The following TENM3 variants were observed in gnomAD, a reference collection of about 807,000 sequenced individuals.
TENM3 encodes teneurin transmembrane protein 3, also known as teneurin-3.
In TENM3, 63 loss-of-function variants were observed where a neutral mutation model predicts 255.1. The ratio of observed to expected loss-of-function variants is 0.25; its 90% CI spans 0.20 to 0.30. TENM3 has a LOEUF of 0.30. TENM3 is among the 10% of genes least tolerant of loss of function. The pLI, the probability that TENM3 is intolerant of heterozygous loss-of-function variation, is 1.00. For synonymous variants in TENM3, 1,306 were observed against 1,322.3 expected (o/e 0.99, Z 0.27); for missense variants, 2,929 against 3,461.1 (o/e 0.85, Z 3.86).
chr4:182,767,361 A>T (rs748139803), intron 22 of TENM3, among the ~76,000 whole-genome samples: 1 of 152,200 alleles, frequency 6.6e-6, no homozygotes, highest in Non-Finnish European at 1.5e-5. Context: ...ATGTTTAGTC[A>T]TGACGGGGTT....
intron 3 of TENM3, among the ~76,000 whole-genome samples, chr4:182,542,438 G>A (rs1201586803): frequency 6.6e-6 from 1 of 152,090 alleles, no homozygotes; most frequent in Non-Finnish European, 1.5e-5. Context: ...CCATTTGAGG[G>A]CTACCTCTTG....
chr4:182,286,994 A>G (rs1760775092), intron 1 of TENM3, among the ~76,000 whole-genome samples: 2 of 152,198 alleles, frequency 1.3e-5, no homozygotes, highest in Admixed American at 1.3e-4. Context: ...TTGGGAGGCC[A>G]AGGGAGGAGG....
the TENM3 span, among the ~76,000 whole-genome samples, chr4:181,588,796 A>G: frequency 1.3e-5 from 2 of 152,188 alleles, no homozygotes; most frequent in Admixed American, 6.5e-5. Context: ...TTAATTTCCA[A>G]ATGTCTGTAG....
At chr4:182,766,263 A>C (rs1222752161) in intron 22 of TENM3, among the ~76,000 whole-genome samples, 5 of 152,206 alleles carry the variant, frequency 3.3e-5, no homozygotes, top group African/African-American at 1.2e-4. Context: ...CTTTGGAGCA[A>C]AAATTTTCCT....
chr4:181,544,417 A>AAAAAAC, the TENM3 span, among the ~76,000 whole-genome samples: 1 of 140,414 alleles, frequency 7.1e-6, no homozygotes, highest in Non-Finnish European at 1.5e-5. Context: ...TTAAAAAAAA[A>AAAAAAC]AAAAAAAAAA....
chr4:182,656,562 T>C lies in TENM3; in HGVS notation c.1111+2669T>C, dbSNP rs78044674. ...CCCACCACCCACTACTTAAATTTTATATGCTATCCAAGAAGCAGATCACAT... is the reference window on the plus strand; with the variant it reads ...CCCACCACCCACTACTTAAATTTTACATGCTATCCAAGAAGCAGATCACAT... On this transcript the variant is annotated intron_variant, in intron 6 of 27. Coordinates refer to ENST00000511685, the MANE Select transcript of TENM3 (RefSeq NM_001080477.4). Among the ~76,000 whole-genome samples the C allele has an allele frequency of 8.6e-3, 1,315 of 152,282 alleles. 7 individuals are homozygous for C. The highest frequency in any genetic ancestry group is 0.013 in the Non-Finnish European group (889 of 68,012).
chr4:182,463,149 G>A lies in TENM3; in HGVS notation c.511+116220G>A, dbSNP rs76495883. The stretch of plus-strand genomic sequence containing the variant: ...AGCCTGTGTTGTTCAAGGGTCAACC[G>A]TAGTTGAAACAAATAGAAAAATGAA... On this transcript the variant is annotated intron_variant, in intron 3 of 27. Coordinates refer to ENST00000511685, the MANE Select transcript of TENM3 (RefSeq NM_001080477.4). 3.9e-5 allele frequency among the ~76,000 whole-genome samples: 6 copies of A among 152,140 alleles called. No individual in the cohort carries two copies. In the East Asian group the frequency reaches 7.7e-4, roughly 20 times the overall value.
intron 3 of TENM3, among the ~76,000 whole-genome samples, chr4:182,444,785 C>G (rs576280180): frequency 1.4e-4 from 22 of 152,250 alleles, no homozygotes; most frequent in African/African-American, 5.3e-4. Context: ...AACTACACTC[C>G]TAACAACCAG....
chr4:182,016,112 G>T, the TENM3 span, among the ~76,000 whole-genome samples: 1 of 152,230 alleles, frequency 6.6e-6, no homozygotes. Context: ...GGTGTGTTGG[G>T]TTTTTTCCTG....
chr4:181,517,398 G>A, the TENM3 span, among the ~76,000 whole-genome samples: 1 of 152,098 alleles, frequency 6.6e-6, no homozygotes, highest in African/African-American at 2.4e-5. Context: ...TAGAGAATAG[G>A]TACCCATAAA....
chr4:182,342,552 C>A (rs1764547832), intron 2 of TENM3, among the ~76,000 whole-genome samples: 2 of 152,082 alleles, frequency 1.3e-5, no homozygotes, highest in Non-Finnish European at 2.9e-5. Flanking sequence ...ATTAATTGTG[C>A]CCATAGTTGC....
chr4:182,608,118 T>G (rs1436341035), intron 4 of TENM3, among the ~76,000 whole-genome samples: 1 of 152,250 alleles, frequency 6.6e-6, no homozygotes, highest in Non-Finnish European at 1.5e-5. Flanking sequence ...TCAGTCCTCT[T>G]TACTTGTGTA....
chr4:182,731,964 G>A (rs1316946963), intron 16 of TENM3, among the ~76,000 whole-genome samples: 1 of 151,730 alleles, frequency 6.6e-6, no homozygotes, highest in South Asian at 2.1e-4. Context: ...TGTATTTTTA[G>A]TAGAGGCAGG....
intron 12 of TENM3, among the ~76,000 whole-genome samples, chr4:182,710,066 C>A (rs959108068): frequency 6.6e-6 from 1 of 152,188 alleles, no homozygotes; most frequent in East Asian, 1.9e-4. Context: ...TTTTGTCCAC[C>A]CTTAAAACTG....
chr4:181,821,183 A>G, the TENM3 span, among the ~76,000 whole-genome samples: 1 of 152,062 alleles, frequency 6.6e-6, no homozygotes, highest in African/African-American at 2.4e-5. Flanking sequence ...CTTTGCACAC[A>G]TTCTGTGCTT....
intron 7 of TENM3, among the ~76,000 whole-genome samples, chr4:182,676,847 A>G (rs576523432): frequency 3.2e-4 from 49 of 152,342 alleles, no homozygotes; most frequent in Middle Eastern, 6.8e-3. Flanking sequence ...CTTTAAACGG[A>G]GCTTTCACAC....
At chr4:181,842,733 T>G in the TENM3 span, among the ~76,000 whole-genome samples, 1 of 152,216 alleles carries the variant, frequency 6.6e-6, no homozygotes, top group Non-Finnish European at 1.5e-5. Context: ...ATGCTTCAAA[T>G]TATCATTTTT....
At chr4:182,612,410 C>G (rs530201729) in intron 4 of TENM3, among the ~76,000 whole-genome samples, 2 of 152,252 alleles carry the variant, frequency 1.3e-5, no homozygotes, top group South Asian at 4.1e-4. Flanking sequence ...TCCTCTTCTC[C>G]TTTTCTCAGG....
chr4:182,585,437 A>T (rs1745919470), intron 3 of TENM3, among the ~76,000 whole-genome samples: 1 of 152,178 alleles, frequency 6.6e-6, no homozygotes, highest in African/African-American at 2.4e-5. Flanking sequence ...AAACGAGGTC[A>T]TCAGGGTGTA....
Sources: allele counts gnomAD v4.1 joint callset (sites outside exome capture counted in the v4.1 genomes callset), GRCh38; gene constraint gnomAD v4.1.1; transcripts MANE v1.5; gene names NCBI Gene and HGNC (gene_info 2026-07-23, HGNC 2026-07-21).